The following NFAM1 variants were observed in gnomAD, a reference collection of about 807,000 sequenced individuals.
NFAM1 encodes the protein NFAT activating protein with ITAM motif 1.
In NFAM1, 17 loss-of-function variants were observed where a neutral mutation model predicts 29.0. That is an observed-to-expected ratio of 0.59 (90% confidence interval 0.40 to 0.88). The LOEUF is 0.88. Among genes scored for constraint, NFAM1 ranks in the 40% least tolerant of loss-of-function variants. The pLI, the probability that NFAM1 is intolerant of heterozygous loss-of-function variation, is 0.00. For missense variants in NFAM1, 324 were observed against 344.6 expected, an observed-to-expected ratio of 0.94 and a Z score of 0.47; for synonymous variants, 175 against 147.2, an observed-to-expected ratio of 1.19 and a Z score of -1.36.
At position 42,384,780 on chromosome 22, in the gene NFAM1, A is replaced by G. The variant is rs1929076934; in HGVS notation, c.*381T>C. The stretch of plus-strand genomic sequence containing the variant: ...CCTCCCTCAGCTCAGAGGCTGCCCT[A>G]CTGGCTGAGGTGCAGGCTGGTGCCA... On this transcript the variant is annotated 3_prime_UTR_variant, in exon 6 of 6. Coordinates refer to ENST00000329021, the MANE Select transcript of NFAM1 (RefSeq NM_145912.8). 1 of 284,826 alleles carries G rather than the reference A, an allele frequency of 3.5e-6. No individual in the cohort carries two copies. The highest frequency in any genetic ancestry group is 4.7e-5 in the Admixed American group (1 of 21,460). The allele number at this position is 284,826 out of a possible 1,614,324, so 17.6% of individuals were successfully genotyped here.
At chr22:42,418,634 A>G (rs984572054) in intron 1 of NFAM1, among the ~76,000 whole-genome samples, 1 of 151,994 alleles carries the variant, frequency 6.6e-6, no homozygotes, top group Non-Finnish European at 1.5e-5. Context: ...CGGAGATTGC[A>G]GTGAGCCGAG....
At position 42,397,837 on chromosome 22, in the gene NFAM1, G is replaced by A. The variant is rs542094634; in HGVS notation, c.663+21C>T. The A allele has an allele frequency of 2.5e-5, 37 of 1,479,612 alleles. No individual in the cohort carries two copies. The East Asian group carries it at 4.1e-4, about 16-fold the overall frequency. 91.7% of individuals were successfully genotyped at this position (1,479,612 alleles called of 1,614,324 possible). On this transcript the variant is annotated intron_variant, in intron 4 of 5. Transcript: ENST00000329021. The stretch of plus-strand genomic sequence containing the variant: ...CTAAGGCCTGAAAGAGGTGGAGGGA[G>A]CCGGGGGCCCCGGGACTCACTGTGT...
intron 3 of NFAM1, among the ~76,000 whole-genome samples, chr22:42,407,079 CTCT>C (rs1929923980): frequency 7.4e-6 from 1 of 134,600 alleles, no homozygotes; most frequent in South Asian, 2.3e-4. Context: ...CCGGACCTTC[CTCT>C]TTTTTTTTTT....
At chr22:42,412,698 G>A (rs190330237) in intron 1 of NFAM1, among the ~76,000 whole-genome samples, 72 of 152,328 alleles carry the variant, frequency 4.7e-4, no homozygotes, top group African/African-American at 1.7e-3. Flanking sequence ...AGTTCTCCCC[G>A]TGCCAAAGTA....
At chr22:42,389,044 C>A (rs1203292513) in intron 4 of NFAM1, among the ~76,000 whole-genome samples, 1 of 152,168 alleles carries the variant, frequency 6.6e-6, no homozygotes, top group Middle Eastern at 3.2e-3. Context: ...GGCCCAGACC[C>A]CTTCTAAGTC....
chr22:42,403,746 C>T (rs2147102135), intron 3 of NFAM1, among the ~76,000 whole-genome samples: 1 of 152,332 alleles, frequency 6.6e-6, no homozygotes, highest in African/African-American at 2.4e-5. Context: ...AGGGAACAGG[C>T]CGAGAGGCAC....
intron 4 of NFAM1, among the ~76,000 whole-genome samples, chr22:42,392,589 G>A (rs1929381994): frequency 1.3e-5 from 2 of 152,008 alleles, no homozygotes; most frequent in South Asian, 4.1e-4. Context: ...AATTTCAGAT[G>A]GAAGAAATCA....
In NFAM1 at chr22:42,409,856, CTCT is replaced by C. The variant is rs1271255517; in HGVS notation, c.452-312_452-310del. Among the ~76,000 whole-genome samples, 1 of 152,192 alleles carries C rather than the reference CTCT, an allele frequency of 6.6e-6. No homozygotes were observed. The highest frequency in any genetic ancestry group is 1.5e-5 in the Non-Finnish European group (1 of 68,036). On this transcript the variant is annotated intron_variant, in intron 2 of 5. Transcript: ENST00000329021. This position sits in a 1 kb window ranked among gnomAD's most constrained non-coding sequence, Gnocchi z 4.9. ...AGCGAGATGTCTCCCCTCTCGGGGC[CTCT>C]TCTTTTCCCTGTGTGAGGTGGTGAT...
At chr22:42,436,230 G>C (rs781773974), upstream of NFAM1, among the ~76,000 whole-genome samples, 1 of 152,234 alleles carries the variant, frequency 6.6e-6, no homozygotes, top group Non-Finnish European at 1.5e-5. Flanking sequence ...ACAGGAAGCA[G>C]AAGTGCCGTG....
At chr22:42,424,302 C>T (rs1457366497) in intron 1 of NFAM1, among the ~76,000 whole-genome samples, 1 of 152,052 alleles carries the variant, frequency 6.6e-6, no homozygotes, top group Non-Finnish European at 1.5e-5. Flanking sequence ...GTAGTCCCAG[C>T]TACTCGGGAG....
chr22:42,431,830 G>T (rs1436576060), intron 1 of NFAM1, among the ~76,000 whole-genome samples: 1 of 143,076 alleles, frequency 7.0e-6, no homozygotes, highest in African/African-American at 2.7e-5. Flanking sequence ...ACAACCCAGA[G>T]GGTAGCCCCA....
rs186677538 is a variant in NFAM1, at chr22:42,420,245, G to C, written c.122-8509C>G. Among the ~76,000 whole-genome samples, 592 of 151,862 alleles carry C rather than the reference G, an allele frequency of 3.9e-3. 13 individuals are homozygous for C. The highest frequency in any genetic ancestry group is 0.036 in the Admixed American group (553 of 15,244). On this transcript the variant is annotated intron_variant, in intron 1 of 5. Transcript: ENST00000329021. ...GGCTAGTCTCGAACTCCTGAACTTG[G>C]GTGATTTCTTGAGCTCAGGACTTTA...
rs1315889357 is a variant in NFAM1 at position 42,419,494 on chromosome 22, C to G, written c.122-7758G>C. Among the ~76,000 whole-genome samples, 1 of 152,204 alleles carries G rather than the reference C, an allele frequency of 6.6e-6. No individual in the cohort carries two copies. Among genetic ancestry groups the G allele is most frequent in the African/African-American group, 2.4e-5 (1 of 41,460 alleles). On this transcript the variant is annotated intron_variant, in intron 1 of 5. Coordinates refer to ENST00000329021, the MANE Select transcript of NFAM1 (RefSeq NM_145912.8). The surrounding 1 kb of genome is among the most constrained non-coding windows in gnomAD (Gnocchi z 4.5). ...TTATATTCATACAATTGGGTTCAGA[C>G]AGGGTCACGCTAAAACATGCATCTC... is the stretch of plus-strand genomic sequence containing the variant.
At chr22:42,411,156 T>C (rs1930074346) in intron 2 of NFAM1, among the ~76,000 whole-genome samples, 1 of 151,732 alleles carries the variant, frequency 6.6e-6, no homozygotes, top group Non-Finnish European at 1.5e-5. Flanking sequence ...CCTGAGTAGC[T>C]GGGATTACAG....
intron 1 of NFAM1, among the ~76,000 whole-genome samples, chr22:42,414,177 T>C (rs1460377247): frequency 6.6e-6 from 1 of 152,272 alleles, no homozygotes. Flanking sequence ...CGACTTGTAA[T>C]TGACATAACG....
intron 4 of NFAM1, among the ~76,000 whole-genome samples, chr22:42,389,667 G>A (rs1929267816): frequency 6.9e-6 from 1 of 145,704 alleles, no homozygotes; most frequent in African/African-American, 2.5e-5. Flanking sequence ...TGGGTGTTGG[G>A]GGCTGGGGGG....
chr22:42,407,060 C>G (rs74899225), intron 3 of NFAM1, among the ~76,000 whole-genome samples: 4,124 of 150,900 alleles, frequency 0.027, 194 homozygotes, highest in African/African-American at 0.097. Context: ...CAGGCATGAG[C>G]CACCGCACCC....
Position 42,411,661 on chromosome 22 carries a change from C to G in NFAM1, c.197G>C (p.Arg66Thr). Residue 66 changes from arginine (R) to threonine (T), a missense_variant, in exon 2 of 6, where the codon AGG becomes ACG. Physicochemically the swap from Arg to Thr is moderately conservative, Grantham distance 71 (BLOSUM62 -1). Coordinates refer to ENST00000329021, the MANE Select transcript of NFAM1 (RefSeq NM_145912.8). ...TTGGGGAGTGTATGGATAGGTGATCCTGCAGCTGAAGGAGATAGCTGTGTT... is the reference window on the plus strand; with the variant it reads ...TTGGGGAGTGTATGGATAGGTGATCGTGCAGCTGAAGGAGATAGCTGTGTT... ...LANTAISFSCRITYPYTPQFK... is the reference protein window; with the variant it reads ...LANTAISFSCTITYPYTPQFK... 1 of 1,614,084 alleles carries G rather than the reference C, an allele frequency of 6.2e-7. No individual in the cohort carries two copies.
upstream of NFAM1, among the ~76,000 whole-genome samples, chr22:42,434,120 C>T (rs1004000000): frequency 5.3e-5 from 8 of 152,174 alleles, no homozygotes; most frequent in Non-Finnish European, 7.3e-5. Context: ...CTCTGTACCT[C>T]GGACTCCCGG....
Sources: gnomAD v4.1 joint callset for allele counts (sites outside exome capture counted in the v4.1 genomes callset) on GRCh38, gnomAD v4.1.1 for gene constraint, Gnocchi (gnomAD v3.1) non-coding constraint, MANE v1.5 for transcripts, NCBI Gene and HGNC (gene_info 2026-07-23, HGNC 2026-07-21) for gene names.